The following FUT2 variants were observed in gnomAD, a reference collection of about 807,000 sequenced individuals.
FUT2 encodes galactoside alpha-(1,2)-fucosyltransferase 2.
For synonymous variants in FUT2, 182 were observed against 193.1 expected, an observed-to-expected ratio of 0.94 and a Z score of 0.48; for missense variants, 419 against 465.8, an observed-to-expected ratio of 0.90 and a Z score of 0.93.
rs2032616888 is a variant in FUT2, at chr19:48,705,117, T to TTTTTTTTTTTTTTTTTTTG, written c.*1140_*1141insTTTTTTTGTTTTTTTTTTT. 4.3e-6 allele frequency: 1 copy of TTTTTTTTTTTTTTTTTTTG among 230,944 alleles called. No homozygotes were observed. Among genetic ancestry groups the TTTTTTTTTTTTTTTTTTTG allele is most frequent in the Non-Finnish European group, 8.5e-6 (1 of 118,072 alleles). 14.3% of individuals were successfully genotyped at this position (230,944 alleles called of 1,614,324 possible). A position where few individuals can be genotyped will look rare whatever the true frequency, so the allele number is the denominator to read the frequency against. On this transcript the variant is annotated 3_prime_UTR_variant, in exon 2 of 2. Coordinates refer to ENST00000425340, the MANE Select transcript of FUT2 (RefSeq NM_000511.6). ...TTTCTTTTCTTTTTCTTTTCTTTTT[T>TTTTTTTTTTTTTTTTTTTG]TTTTTTTTTTTGAGATGGAGTCTTG... is the stretch of plus-strand genomic sequence containing the variant.
Position 48,703,980 on chromosome 19 carries a change from A to G in FUT2, c.1024A>G (p.Lys342Glu). The G allele has an allele frequency of 6.2e-7, 1 of 1,613,312 alleles. No individual in the cohort carries two copies. The highest frequency in any genetic ancestry group is 8.5e-7 in the Non-Finnish European group (1 of 1,179,938). ...TGCCGCAGACCTGTCCCCCTTACTC[A>G]AGCACTAATGCTGGCCCATTCTTTG... ...GIAADLSPLL[K>E]H The change falls in exon 2 of 2, where the codon AAG becomes GAG. Residue 342 changes from lysine to glutamate, a missense_variant. Physicochemically the swap from Lys to Glu is moderately conservative, Grantham distance 56. Transcript: ENST00000425340.
intron 1 of FUT2, among the ~76,000 whole-genome samples, chr19:48,701,483 C>T (rs549209336): frequency 3.3e-5 from 5 of 151,958 alleles, no homozygotes; most frequent in African/African-American, 1.2e-4. Context: ...CCGGCCACAA[C>T]TCATCTTTTA....
Position 48,705,106 on chromosome 19 carries a change from C to CTTTTT in FUT2, c.*1122_*1123insTTTTT, listed in dbSNP as rs750075953. Reference sequence around the variant, plus strand: ...GAGCTCACTGTTTTCTTTTCTTTTTCTTTTCTTTTTTTTTTTTTTTTTGAG... The same window carrying CTTTTT: ...GAGCTCACTGTTTTCTTTTCTTTTTCTTTTTTTTTCTTTTTTTTTTTTTTTTTGAG... On this transcript the variant is annotated 3_prime_UTR_variant, in exon 2 of 2. Coordinates refer to ENST00000425340, the MANE Select transcript of FUT2 (RefSeq NM_000511.6). 944 of 188,834 alleles carry CTTTTT rather than the reference C, an allele frequency of 5.0e-3. 119 individuals carry two copies. Among genetic ancestry groups the CTTTTT allele is most frequent in the Middle Eastern group, 0.015 (7 of 478 alleles). 11.7% of individuals were successfully genotyped at this position (188,834 alleles called of 1,614,324 possible).
Position 48,704,437 on chromosome 19 carries a change from A to AAAAAG in FUT2, c.*459_*463dup, listed in dbSNP as rs1568462825. 5.5e-5 allele frequency: 7 copies of AAAAAG among 127,746 alleles called. No individual in the cohort carries two copies. Among genetic ancestry groups the AAAAAG allele is most frequent in the South Asian group, 1.5e-4 (1 of 6,720 alleles). 7.9% of individuals were successfully genotyped at this position (127,746 alleles called of 1,614,324 possible). Reference sequence around the variant, plus strand: ...ACTCCATCTCAAAAAAAAAAAAAAAAAAAAGAAAAGAAAAAGAAATGAATG... The same window carrying AAAAAG: ...ACTCCATCTCAAAAAAAAAAAAAAAAAAAAGAAAAGAAAAGAAAAAGAAATGAATG... On this transcript the variant is annotated 3_prime_UTR_variant, in exon 2 of 2. Coordinates refer to ENST00000425340, the MANE Select transcript of FUT2 (RefSeq NM_000511.6).
rs550360759 is a variant in FUT2, at chr19:48,703,748, C to A, written c.792C>A (p.Gly264=). The part of the protein sequence containing the change: ...DTSHGDVVFA[G]DGIEGSPAKD... ...CCCACGGTGATGTGGTGTTTGCTGG[C>A]GATGGCATTGAGGGCTCACCTGCCA... The change falls in exon 2 of 2, where the codon GGC becomes GGA. Residue 264 remains glycine, a synonymous_variant. Transcript: ENST00000425340. 14 of 1,613,524 alleles carry A rather than the reference C, an allele frequency of 8.7e-6. No homozygotes were observed. In the East Asian group the frequency reaches 3.1e-4, roughly 36 times the overall value.
chr19:48,701,202 A>T (rs2032510557), intron 1 of FUT2, among the ~76,000 whole-genome samples: 1 of 151,916 alleles, frequency 6.6e-6, no homozygotes, highest in Non-Finnish European at 1.5e-5. Flanking sequence ...GCTGGAGTGC[A>T]GTGGCATGAT....
chr19:48,703,157 TGCAATAGGCC>T lies in FUT2; in HGVS notation c.204_213del (p.Ile69TrpfsTer17), dbSNP rs747300488. The stretch of plus-strand genomic sequence containing the variant: ...AGCTCAGGGGGATGTGGACGATCAA[TGCAATAGGCC>T]GCCTGGGGAACCAGATGGGCGAGTA... On this transcript the variant is annotated frameshift_variant, in exon 2 of 2. Transcript: ENST00000425340. LOFTEE classifies it low-confidence loss of function (END_TRUNC). 9.3e-6 allele frequency: 15 copies of T among 1,613,454 alleles called. No individual in the cohort carries two copies. In the Admixed American group the frequency reaches 2.5e-4, roughly 27 times the overall value.
intron 1 of FUT2, among the ~76,000 whole-genome samples, chr19:48,697,005 G>A (rs1472667088): frequency 6.6e-6 from 1 of 152,050 alleles, no homozygotes; most frequent in Non-Finnish European, 1.5e-5. Flanking sequence ...GGCCGGCGCT[G>A]GGTGTAGGGG....
rs1490983578 is a variant in FUT2 at position 48,704,164 on chromosome 19, G to T, written c.*176G>T. 4.1e-6 allele frequency: 3 copies of T among 725,912 alleles called. No homozygotes were observed. The highest frequency in any genetic ancestry group is 2.4e-6 in the Non-Finnish European group (1 of 409,076). 45.0% of individuals were successfully genotyped at this position (725,912 alleles called of 1,614,324 possible). The stretch of plus-strand genomic sequence containing the variant: ...TGGCCTGGCGTGGTGGCTCATGCCT[G>T]TAATGCTCGCACTTTGTGAGGCCAG... On this transcript the variant is annotated 3_prime_UTR_variant, in exon 2 of 2. Coordinates refer to ENST00000425340, the MANE Select transcript of FUT2 (RefSeq NM_000511.6).
intron 1 of FUT2, among the ~76,000 whole-genome samples, chr19:48,697,934 TCCAC>T (rs2032444349): frequency 1.3e-5 from 2 of 151,024 alleles, no homozygotes; most frequent in African/African-American, 4.9e-5. Context: ...CCTCAGGTGA[TCCAC>T]CCGCCTCAGC....
rs1314451248 is a variant in FUT2, at chr19:48,703,660, G to A, written c.704G>A (p.Ser235Asn). 3 of 1,613,546 alleles carry A rather than the reference G, an allele frequency of 1.9e-6. No individual in the cohort carries two copies. Among genetic ancestry groups the A allele is most frequent in the African/African-American group, 2.7e-5 (2 of 74,930 alleles). ...QALDWFRARY[S>N]SLIFVVTSNG... ...CTGGACTGGTTCCGAGCTCGCTACA[G>A]CTCCCTCATCTTCGTGGTCACCAGT... Residue 235 changes from serine to asparagine, a missense_variant, in exon 2 of 2, where the codon AGC becomes AAC. By Grantham distance (46) the Ser-to-Asn change is conservative. Coordinates refer to ENST00000425340, the MANE Select transcript of FUT2 (RefSeq NM_000511.6).
intron 1 of FUT2, among the ~76,000 whole-genome samples, chr19:48,699,790 C>T (rs540892412): frequency 6.6e-6 from 1 of 151,966 alleles, no homozygotes; most frequent in South Asian, 2.1e-4. Context: ...TTTGAGTCAT[C>T]GAGTCCAGCA....
In FUT2 at chr19:48,704,048, G is replaced by T; in HGVS notation, c.*60G>T. ...CTGCCTCCCTCAAGATGAGTGCCCG[G>T]GCATGAGAAGCACATGGTTCCATGA... On this transcript the variant is annotated 3_prime_UTR_variant, in exon 2 of 2. Coordinates refer to ENST00000425340, the MANE Select transcript of FUT2 (RefSeq NM_000511.6). The T allele has an allele frequency of 6.8e-7, 1 of 1,460,360 alleles. No individual in the cohort carries two copies. Among genetic ancestry groups the T allele is most frequent in the South Asian group, 1.2e-5 (1 of 86,580 alleles). 90.5% of individuals were successfully genotyped at this position (1,460,360 alleles called of 1,614,324 possible).
chr19:48,700,531 C>A (rs997207507), intron 1 of FUT2, among the ~76,000 whole-genome samples: 1 of 151,820 alleles, frequency 6.6e-6, no homozygotes, highest in Non-Finnish European at 1.5e-5. Flanking sequence ...CGGGGTTTCA[C>A]CGTGTTAGCC....
chr19:48,702,814 G>C, intron 1 of FUT2, 141 bp from the exon 2 acceptor site: 1 of 817,358 alleles, frequency 1.2e-6, no homozygotes, highest in Non-Finnish European at 2.1e-6. Flanking sequence ...ACATAGGCAA[G>C]TATGTGCCAA....
At chr19:48,696,664 T>A (rs1202319156) in intron 1 of FUT2, 2 of 152,238 alleles carry the variant, frequency 1.3e-5, no homozygotes, top group Non-Finnish European at 2.9e-5. Flanking sequence ...CCTACGTTAT[T>A]GTCTGAAGCT....
At chr19:48,698,796 G>C (rs1427935596) in intron 1 of FUT2, among the ~76,000 whole-genome samples, 1 of 151,676 alleles carries the variant, frequency 6.6e-6, no homozygotes, top group African/African-American at 2.4e-5. Flanking sequence ...GGCTGATCTC[G>C]AACTCCTGAA....
Position 48,703,254 on chromosome 19 carries a change from C to A in FUT2, c.298C>A (p.His100Asn). The A allele has an allele frequency of 6.2e-7, 1 of 1,613,092 alleles. No homozygotes were observed. The highest frequency in any genetic ancestry group is 1.1e-5 in the South Asian group (1 of 90,600). ...GRPAFIPAQM[H>N]STLAPIFRIT... ...GCCCGCCTTCATCCCGGCCCAGATG[C>A]ACAGCACCCTGGCCCCCATCTTCAG... Residue 100 changes from histidine to asparagine, a missense_variant, in exon 2 of 2, where the codon CAC becomes AAC. Physicochemically the swap from His to Asn is moderately conservative, Grantham distance 68. Coordinates refer to ENST00000425340, the MANE Select transcript of FUT2 (RefSeq NM_000511.6).
At position 48,703,884 on chromosome 19, in the gene FUT2, AC is replaced by A. The variant is rs758980209; in HGVS notation, c.931del (p.Leu311SerfsTer51). On this transcript the variant is annotated frameshift_variant, in exon 2 of 2. Transcript: ENST00000425340. LOFTEE classifies it high-confidence loss of function. Reference sequence around the variant, plus strand: ...AGACACCATCTACCTGGCCAATTACACCCTCCCCGACTCCCCTTTCCTCAAA... The same window carrying A: ...AGACACCATCTACCTGGCCAATTACACCTCCCCGACTCCCCTTTCCTCAAA... ...GGDTIYLANY[T>X]LPDSPFLKIF... The A allele has an allele frequency of 1.2e-6, 2 of 1,613,178 alleles. No homozygotes were observed. The highest frequency in any genetic ancestry group is 3.3e-5 in the Admixed American group (2 of 59,956).
Sources: gnomAD v4.1 joint callset for allele counts (sites outside exome capture counted in the v4.1 genomes callset) on GRCh38, gnomAD v4.1.1 for gene constraint, MANE v1.5 for transcripts, NCBI Gene and HGNC (gene_info 2026-07-23, HGNC 2026-07-21) for gene names.